Variants in MPHOSPH9 observed in about 807,000 individuals in gnomAD.
MPHOSPH9 encodes the protein M-phase phosphoprotein 9.
MPHOSPH9 carries 88 observed loss-of-function variants against 145.5 expected under a neutral mutation model. The ratio of observed to expected loss-of-function variants is 0.60; its 90% CI spans 0.51 to 0.72. The LOEUF (loss-of-function observed/expected upper bound fraction) is 0.72. Among genes scored for constraint, MPHOSPH9 ranks in the 30% least tolerant of loss-of-function variants. MPHOSPH9 has a pLI of 0.00. For missense variants in MPHOSPH9, 1,238 were observed against 1,386.6 expected (o/e 0.89, Z 1.70); for synonymous variants, 435 against 486.2 (o/e 0.89, Z 1.39).
chr12:123,216,049 A>G (rs1451607503), intron 6 of MPHOSPH9, among the ~76,000 whole-genome samples: 2 of 152,132 alleles, frequency 1.3e-5, no homozygotes, highest in Admixed American at 6.6e-5. Flanking sequence ...TATCCTGGCT[A>G]ACACGGTGAA....
At chr12:123,201,804 C>G (rs1026793948) in intron 11 of MPHOSPH9, among the ~76,000 whole-genome samples, 9 of 152,070 alleles carry the variant, frequency 5.9e-5, no homozygotes, top group African/African-American at 2.2e-4. Flanking sequence ...GCCATTCTCC[C>G]CTGCATATCT....
At chr12:123,209,274 G>A (rs1321298918) in intron 8 of MPHOSPH9, among the ~76,000 whole-genome samples, 4 of 152,086 alleles carry the variant, frequency 2.6e-5, no homozygotes, top group Non-Finnish European at 5.9e-5. Context: ...ATTACATAAG[G>A]CAAAAATGAC....
At chr12:123,229,334 C>G (rs994523808) in intron 2 of MPHOSPH9, among the ~76,000 whole-genome samples, 13 of 152,012 alleles carry the variant, frequency 8.6e-5, no homozygotes, top group African/African-American at 3.1e-4. Context: ...AGACTATGTG[C>G]AAATTGAAAG....
intron 7 of MPHOSPH9, among the ~76,000 whole-genome samples, chr12:123,212,793 T>C (rs1405570408): frequency 1.4e-5 from 2 of 146,844 alleles, no homozygotes; most frequent in African/African-American, 2.5e-5. Flanking sequence ...TTTTACTTTA[T>C]CATGGTGCAA....
At chr12:123,164,752 CTTTGTGTTGTG>C (rs2044241551) in intron 18 of MPHOSPH9, among the ~76,000 whole-genome samples, 1 of 152,128 alleles carries the variant, frequency 6.6e-6, no homozygotes, top group Non-Finnish European at 1.5e-5. Flanking sequence ...TGTGTTTACA[CTTTGTGTTGTG>C]TTGTGGAGGA....
rs530222967 is a variant in MPHOSPH9, at chr12:123,174,201, G to A, written c.2456+2487C>T. ...CAAGTTGGGTTTTGCACTCAATACCGGTGGCTGCTTGTTTTCCTCTAGCTT... is the reference window on the plus strand; with the variant it reads ...CAAGTTGGGTTTTGCACTCAATACCAGTGGCTGCTTGTTTTCCTCTAGCTT... On this transcript the variant is annotated intron_variant, in intron 16 of 23. Transcript: ENST00000606320. Among the ~76,000 whole-genome samples, 44 of 152,186 alleles carry A rather than the reference G, an allele frequency of 2.9e-4. No homozygotes were observed. The South Asian group carries it at 7.3e-3, about 25-fold the overall frequency.
intron 7 of MPHOSPH9, 140 bp from the exon 8 acceptor site, chr12:123,210,302 AAAG>A (rs1227840654): frequency 8.2e-6 from 4 of 490,132 alleles, no homozygotes; most frequent in Non-Finnish European, 1.4e-5. Context: ...TTGATGGAAA[AAAG>A]TTATCTAAAT....
chr12:123,237,900 C>CTT (rs34786765), upstream of MPHOSPH9, among the ~76,000 whole-genome samples: 3,021 of 147,890 alleles, frequency 0.02, 44 homozygotes, highest in Non-Finnish European at 0.031. Context: ...CACCAAAACA[C>CTT]TTTTTTTTTT....
chr12:123,232,962 A>G (rs2047733927), intron 1 of MPHOSPH9, 113 bp downstream of exon 1: 1 of 152,184 alleles, frequency 6.6e-6, no homozygotes, highest in African/African-American at 2.4e-5. Flanking sequence ...GGCAGCCGTC[A>G]CCCCACACCC....
intron 6 of MPHOSPH9, among the ~76,000 whole-genome samples, chr12:123,216,996 T>A (rs199666913): frequency 1.5e-3 from 44 of 28,666 alleles, no homozygotes; most frequent in East Asian, 0.1. Flanking sequence ...GTCAAAAAAA[T>A]AAATAAATAA....
intron 13 of MPHOSPH9, among the ~76,000 whole-genome samples, chr12:123,190,644 G>A (rs964209103): frequency 2.6e-5 from 4 of 151,376 alleles, no homozygotes; most frequent in African/African-American, 9.8e-5. Context: ...CAGGATATAT[G>A]CAATGCAATA....
rs1349460312 is a variant in MPHOSPH9, at chr12:123,195,684, A to G, written c.2026-1083T>C. ...GAATACCCACTAGGTGCTAGGCACT[A>G]GGGTGCTAGAAATGTAAGATTAACA... On this transcript the variant is annotated intron_variant, in intron 12 of 23. Coordinates refer to ENST00000606320, the MANE Select transcript of MPHOSPH9 (RefSeq NM_022782.4). Among the ~76,000 whole-genome samples, 4 of 152,196 alleles carry G rather than the reference A, an allele frequency of 2.6e-5. No individual in the cohort carries two copies. The East Asian group carries it at 7.7e-4, about 29-fold the overall frequency.
At chr12:123,204,234 G>C (rs1284474235) in intron 8 of MPHOSPH9, among the ~76,000 whole-genome samples, 5 of 151,890 alleles carry the variant, frequency 3.3e-5, no homozygotes, top group Admixed American at 3.3e-4. Context: ...CCTGGAAGGC[G>C]GAGGTTGTGG....
intron 13 of MPHOSPH9, among the ~76,000 whole-genome samples, chr12:123,183,755 C>T (rs2138133519): frequency 6.6e-6 from 1 of 152,058 alleles, no homozygotes; most frequent in East Asian, 1.9e-4. Context: ...GGTTGAAATT[C>T]CTTAAGTAAT....
chr12:123,180,326 T>C (rs561237969), intron 14 of MPHOSPH9, among the ~76,000 whole-genome samples: 2 of 152,328 alleles, frequency 1.3e-5, no homozygotes, highest in South Asian at 4.1e-4. Flanking sequence ...TTAGATATCA[T>C]GGGATCTGCT....
In MPHOSPH9 at chr12:123,227,541, T is replaced by G; in HGVS notation, c.180A>C (p.Thr60=). 2 of 1,533,320 alleles carry G rather than the reference T, an allele frequency of 1.3e-6. No homozygotes were observed. The highest frequency in any genetic ancestry group is 1.7e-6 in the Non-Finnish European group (2 of 1,145,000). The allele number at this position is 1,533,320 out of a possible 1,614,324, so 95.0% of individuals were successfully genotyped here. The change falls in exon 3 of 24, where the codon ACA becomes ACC. Residue 60 remains threonine, a synonymous_variant. Coordinates refer to ENST00000606320, the MANE Select transcript of MPHOSPH9 (RefSeq NM_022782.4). ...GKTRPSVIQG[T]VEVLTSLMQE... Reference sequence around the variant, plus strand: ...GCATTAAAGAAGTTAGGACTTCAACTGTACCTTGAATTACAGATGGTCTGG... The same window carrying G: ...GCATTAAAGAAGTTAGGACTTCAACGGTACCTTGAATTACAGATGGTCTGG...
intron 16 of MPHOSPH9, among the ~76,000 whole-genome samples, chr12:123,172,805 T>A (rs2044643829): frequency 1.3e-5 from 2 of 151,292 alleles, no homozygotes; most frequent in Non-Finnish European, 2.9e-5. Context: ...CATGATGCAG[T>A]GTCATGCTTG....
intron 12 of MPHOSPH9, among the ~76,000 whole-genome samples, chr12:123,197,534 G>T (rs1716180): frequency 5.9e-5 from 9 of 151,700 alleles, no homozygotes; most frequent in Non-Finnish European, 1.3e-4. Flanking sequence ...CTGTAATCCC[G>T]GCACTCTGGG....
chr12:123,230,581 T>C (rs2047601139), intron 1 of MPHOSPH9, 59 bp from the exon 2 acceptor site: 1 of 394,554 alleles, frequency 2.5e-6, no homozygotes, highest in South Asian at 4.4e-5. Flanking sequence ...CTAGCAACTG[T>C]TTTTACATAA....
Sources: allele counts gnomAD v4.1 joint callset (sites outside exome capture counted in the v4.1 genomes callset), GRCh38; gene constraint gnomAD v4.1.1; transcripts MANE v1.5; gene names NCBI Gene and HGNC (gene_info 2026-07-23, HGNC 2026-07-21).